Variants in CRIM1 observed in about 807,000 individuals in gnomAD.
CRIM1 encodes the protein cysteine rich transmembrane BMP regulator 1.
A neutral mutation model predicts 116.4 loss-of-function variants in CRIM1; 32 were observed. The observed-to-expected ratio is 0.27, with a 90% confidence interval of 0.21 to 0.37. The LOEUF (loss-of-function observed/expected upper bound fraction) is 0.37, where lower values mean the gene tolerates loss of function less well. Ranked by LOEUF, CRIM1 falls within the 10% of genes least tolerant of loss-of-function variation. CRIM1 has a pLI of 1.00. For synonymous variants in CRIM1, 590 were observed against 509.2 expected, an observed-to-expected ratio of 1.16 and a Z score of -2.13; for missense variants, 1,331 against 1,354.8, an observed-to-expected ratio of 0.98 and a Z score of 0.28.
intron 16 of CRIM1, among the ~76,000 whole-genome samples, chr2:36,547,489 A>T (rs906372571): frequency 3.3e-5 from 5 of 152,200 alleles, no homozygotes; most frequent in Admixed American, 6.5e-5. Flanking sequence ...TTTATATTAG[A>T]CATTAAAACG....
At chr2:36,480,344 T>C (rs1679312189) in intron 7 of CRIM1, among the ~76,000 whole-genome samples, 1 of 152,236 alleles carries the variant, frequency 6.6e-6, no homozygotes, top group Non-Finnish European at 1.5e-5. Context: ...CTCTGCATAC[T>C]TAACTCATGT....
At chr2:36,503,415 A>G (rs993502704) in intron 8 of CRIM1, among the ~76,000 whole-genome samples, 1 of 145,110 alleles carries the variant, frequency 6.9e-6, no homozygotes, top group Non-Finnish European at 1.5e-5. Context: ...AAATAAATGA[A>G]TGAATGCAAA....
At chr2:36,412,176 GC>G (rs914327243) in intron 2 of CRIM1, among the ~76,000 whole-genome samples, 8 of 151,706 alleles carry the variant, frequency 5.3e-5, no homozygotes, top group African/African-American at 1.7e-4. Flanking sequence ...CTGTGATGAC[GC>G]CCAACAGAAT....
intron 8 of CRIM1, among the ~76,000 whole-genome samples, chr2:36,509,651 G>A (rs1455115707): frequency 6.6e-6 from 1 of 152,182 alleles, no homozygotes; most frequent in Non-Finnish European, 1.5e-5. Context: ...GGTTTGAAGT[G>A]ATTTATAAAG....
rs1367147293 is a variant in CRIM1 at position 36,456,205 on chromosome 2, A to G, written c.870-8329A>G. On this transcript the variant is annotated intron_variant, in intron 4 of 16. Coordinates refer to ENST00000280527, the MANE Select transcript of CRIM1 (RefSeq NM_016441.3). ...ATTGTGTTCTCATTTGTGGTTATAT[A>G]TAAAAGCTTCCCTAAACTAAATTCC... 2.6e-5 allele frequency among the ~76,000 whole-genome samples: 4 copies of G among 152,260 alleles called. No individual in the cohort carries two copies. In the East Asian group the frequency reaches 7.8e-4, roughly 30 times the overall value.
intron 4 of CRIM1, among the ~76,000 whole-genome samples, chr2:36,449,914 A>G (rs888948136): frequency 5.3e-5 from 8 of 152,206 alleles, no homozygotes; most frequent in African/African-American, 1.9e-4. Flanking sequence ...GCAAAATGAA[A>G]TAAACTACTA....
At chr2:36,508,632 T>C (rs1207038934) in intron 8 of CRIM1, among the ~76,000 whole-genome samples, 3 of 152,236 alleles carry the variant, frequency 2.0e-5, no homozygotes, top group South Asian at 2.1e-4. Flanking sequence ...TTCTTTAAAT[T>C]TGATTGTCTT....
intron 2 of CRIM1, among the ~76,000 whole-genome samples, chr2:36,436,768 A>G (rs1463528068): frequency 6.6e-6 from 1 of 152,232 alleles, no homozygotes; most frequent in Non-Finnish European, 1.5e-5. Flanking sequence ...ACAAAAGTAG[A>G]GAATTGTACA....
chr2:36,469,921 G>A (rs1177447611), intron 5 of CRIM1, among the ~76,000 whole-genome samples: 1 of 152,020 alleles, frequency 6.6e-6, no homozygotes, highest in Non-Finnish European at 1.5e-5. Context: ...GATATGCTTG[G>A]TGTCCTCCAG....
intron 7 of CRIM1, among the ~76,000 whole-genome samples, chr2:36,488,463 G>A (rs1248333387): frequency 6.6e-6 from 1 of 152,196 alleles, no homozygotes; most frequent in African/African-American, 2.4e-5. Flanking sequence ...ACTCAGCAAA[G>A]CCAGATCTTG....
At position 36,550,069 on chromosome 2, in the gene CRIM1, G is replaced by GCA. The variant is rs946721769; in HGVS notation, c.*1369_*1370insAC. ...TGTGTGTGTGTGTGTGTGTGTGTGCGCGCGCACGCACGCCTTGAGCAGTCA... is the reference window on the plus strand; with the variant it reads ...TGTGTGTGTGTGTGTGTGTGTGTGCGCACGCGCACGCACGCCTTGAGCAGTCA... On this transcript the variant is annotated 3_prime_UTR_variant, in exon 17 of 17. Transcript: ENST00000280527. The GCA allele has an allele frequency of 5.3e-5, 8 of 151,886 alleles. No homozygotes were observed. The highest frequency in any genetic ancestry group is 7.4e-5 in the Non-Finnish European group (5 of 67,918). 9.4% of individuals were successfully genotyped at this position (151,886 alleles called of 1,614,324 possible). A position where few individuals can be genotyped will look rare whatever the true frequency, so the allele number is the denominator to read the frequency against.
chr2:36,364,038 T>C (rs1381866254), intron 1 of CRIM1, among the ~76,000 whole-genome samples: 1 of 152,208 alleles, frequency 6.6e-6, no homozygotes, highest in Admixed American at 6.5e-5. Context: ...TGACATCACT[T>C]GTGTAAGCCA....
At chr2:36,405,432 G>T (rs530578675) in intron 2 of CRIM1, among the ~76,000 whole-genome samples, 2 of 152,286 alleles carry the variant, frequency 1.3e-5, no homozygotes, top group Admixed American at 6.5e-5. Flanking sequence ...GGAGCTGAAG[G>T]TCCATGGGGA....
At chr2:36,537,678 C>T in intron 14 of CRIM1, 132 bp downstream of exon 14, 1 of 1,012,496 alleles carries the variant, frequency 9.9e-7, no homozygotes, top group African/African-American at 1.6e-5. Flanking sequence ...CAGTTAGCGC[C>T]TCCACCCAAA....
At chr2:36,510,779 T>G (rs930649119) in intron 9 of CRIM1, among the ~76,000 whole-genome samples, 1 of 152,198 alleles carries the variant, frequency 6.6e-6, no homozygotes. Context: ...CTTTCGTGTC[T>G]GTATAAGCAC....
intron 1 of CRIM1, among the ~76,000 whole-genome samples, chr2:36,369,750 A>G (rs571192580): frequency 6.6e-6 from 1 of 152,318 alleles, no homozygotes; most frequent in East Asian, 1.9e-4. Flanking sequence ...CTGGCCTAAA[A>G]AGATGTACTC....
At chr2:36,441,678 A>G (rs1675837786) in intron 3 of CRIM1, among the ~76,000 whole-genome samples, 178 bp downstream of exon 3, 1 of 152,202 alleles carries the variant, frequency 6.6e-6, no homozygotes, top group Non-Finnish European at 1.5e-5. Flanking sequence ...TCAGAGAACC[A>G]GAGTGATCAT....
chr2:36,540,070 C>A (rs1348017769), intron 14 of CRIM1, among the ~76,000 whole-genome samples: 1 of 151,990 alleles, frequency 6.6e-6, no homozygotes, highest in East Asian at 1.9e-4. Context: ...AGAGAAGGAG[C>A]ACCAGGAATA....
intron 7 of CRIM1, among the ~76,000 whole-genome samples, chr2:36,486,149 C>G (rs901130051): frequency 6.6e-6 from 1 of 152,166 alleles, no homozygotes; most frequent in Non-Finnish European, 1.5e-5. Context: ...ACACTCACAT[C>G]CAGCCTTAAT....
Sources: gnomAD v4.1 joint callset for allele counts (sites outside exome capture counted in the v4.1 genomes callset) on GRCh38, gnomAD v4.1.1 for gene constraint, MANE v1.5 for transcripts, NCBI Gene and HGNC (gene_info 2026-07-23, HGNC 2026-07-21) for gene names.